Variants in ENTREP2 observed in about 807,000 individuals in gnomAD.
The protein encoded by ENTREP2 is endosomal transmembrane epsin interactor 2.
chr15:29,326,997 T>C, the ENTREP2 span, among the ~76,000 whole-genome samples: 5 of 151,856 alleles, frequency 3.3e-5, no homozygotes, highest in Admixed American at 2.6e-4. Context: ...GCTGGAAAAA[T>C]TGGACATCTA....
chr15:29,583,791 T>G, the ENTREP2 span, among the ~76,000 whole-genome samples: 1 of 152,192 alleles, frequency 6.6e-6, no homozygotes, highest in Non-Finnish European at 1.5e-5. Context: ...AGACAGACAT[T>G]GACCTAAGTA....
chr15:29,307,003 C>T, the ENTREP2 span, among the ~76,000 whole-genome samples: 1 of 152,128 alleles, frequency 6.6e-6, no homozygotes, highest in East Asian at 1.9e-4. Flanking sequence ...CCTCCTCGGC[C>T]TCCCAAAATG....
chr15:29,368,591 G>T, the ENTREP2 span, among the ~76,000 whole-genome samples: 145 of 152,102 alleles, frequency 9.5e-4, no homozygotes, highest in African/African-American at 3.3e-3. Context: ...ACCAAATAGG[G>T]CTGGGCATGG....
At chr15:29,123,604 G>A in the ENTREP2 span, 8 of 1,551,468 alleles carry the variant, frequency 5.2e-6, no homozygotes, top group African/African-American at 2.7e-5. Flanking sequence ...TGGGTCCCCC[G>A]CTGGTGAAAG....
At chr15:29,615,871 G>A in the ENTREP2 span, among the ~76,000 whole-genome samples, 1 of 152,192 alleles carries the variant, frequency 6.6e-6, no homozygotes, top group Non-Finnish European at 1.5e-5. Context: ...CGGCAGGGAT[G>A]ATACAGGGAA....
the ENTREP2 span, among the ~76,000 whole-genome samples, chr15:29,551,339 TCA>T: frequency 6.6e-6 from 1 of 152,288 alleles, no homozygotes; most frequent in African/African-American, 2.4e-5. Flanking sequence ...TGAGCGATGG[TCA>T]CAGAGCTGTC....
the ENTREP2 span, among the ~76,000 whole-genome samples, chr15:29,221,200 G>A: frequency 6.6e-6 from 1 of 151,410 alleles, no homozygotes; most frequent in South Asian, 2.1e-4. Context: ...TAATGCAAAT[G>A]ACACTTTTTT....
the ENTREP2 span, among the ~76,000 whole-genome samples, chr15:29,307,436 G>T: frequency 6.6e-6 from 1 of 152,214 alleles, no homozygotes; most frequent in Non-Finnish European, 1.5e-5. Flanking sequence ...ATTGGATACA[G>T]ATCCTTCCCA....
At chr15:29,644,436 C>G in the ENTREP2 span, among the ~76,000 whole-genome samples, 1 of 152,120 alleles carries the variant, frequency 6.6e-6, no homozygotes, top group South Asian at 2.1e-4. Context: ...TCAATAAAGC[C>G]GGTTATCGAA....
At chr15:29,339,636 G>A in the ENTREP2 span, among the ~76,000 whole-genome samples, 104,345 of 151,678 alleles carry the variant, frequency 0.69, 37,786 homozygotes, top group Middle Eastern at 0.82. Flanking sequence ...GCCCCCAGCA[G>A]CACTCCAATT....
At chr15:29,156,044 G>T in the ENTREP2 span, among the ~76,000 whole-genome samples, 1 of 152,184 alleles carries the variant, frequency 6.6e-6, no homozygotes, top group Middle Eastern at 3.2e-3. Context: ...GCAGGCACAG[G>T]TGGGGCTGGA....
At chr15:29,195,443 C>A in the ENTREP2 span, 1 of 370,342 alleles carries the variant, frequency 2.7e-6, no homozygotes, top group Non-Finnish European at 3.7e-6. Flanking sequence ...TACACACATG[C>A]TAGAACCCCC....
chr15:29,590,389 G>T, the ENTREP2 span, among the ~76,000 whole-genome samples: 1 of 152,078 alleles, frequency 6.6e-6, no homozygotes, highest in East Asian at 1.9e-4. Context: ...GCAGCAACAA[G>T]TATGAGTTCA....
chr15:29,371,011 T>C, the ENTREP2 span, among the ~76,000 whole-genome samples: 1 of 151,806 alleles, frequency 6.6e-6, no homozygotes, highest in Non-Finnish European at 1.5e-5. Flanking sequence ...TTATAAATGT[T>C]AGCCATTACT....
the ENTREP2 span, among the ~76,000 whole-genome samples, chr15:29,443,426 G>C: frequency 5.9e-5 from 9 of 152,128 alleles, no homozygotes; most frequent in African/African-American, 2.2e-4. Flanking sequence ...CCTTGGGGAT[G>C]AGTACATTAG....
the ENTREP2 span, among the ~76,000 whole-genome samples, chr15:29,398,431 A>G: frequency 6.6e-6 from 1 of 152,102 alleles, no homozygotes; most frequent in Non-Finnish European, 1.5e-5. Flanking sequence ...CTTTTAAAAA[A>G]GAACTCTTAG....
At chr15:29,345,203 T>C in the ENTREP2 span, among the ~76,000 whole-genome samples, 2 of 152,150 alleles carry the variant, frequency 1.3e-5, no homozygotes, top group Non-Finnish European at 1.5e-5. Context: ...AGGAGACATA[T>C]AGGTCTTTGG....
chr15:29,466,581 G>C, the ENTREP2 span, among the ~76,000 whole-genome samples: 3 of 143,076 alleles, frequency 2.1e-5, no homozygotes, highest in Non-Finnish European at 3.1e-5. Context: ...CCAGGGGAGA[G>C]CCCAGGGGAG....
the ENTREP2 span, among the ~76,000 whole-genome samples, chr15:29,484,643 A>C: frequency 6.6e-6 from 1 of 152,160 alleles, no homozygotes; most frequent in Non-Finnish European, 1.5e-5. Context: ...TATGCAAAAA[A>C]CAGATTTTTT....
Sources: allele counts gnomAD v4.1 joint callset (sites outside exome capture counted in the v4.1 genomes callset), GRCh38; gene constraint gnomAD v4.1.1; transcripts MANE v1.5; gene names NCBI Gene and HGNC (gene_info 2026-07-23, HGNC 2026-07-21).